Variants in ENPP2 observed in about 807,000 individuals in gnomAD.
The protein encoded by ENPP2 is autotaxin.
In ENPP2, 51 loss-of-function variants were observed where a neutral mutation model predicts 120.2. That is an observed-to-expected ratio of 0.42 (90% CI 0.34 to 0.54). The LOEUF is 0.54. Ranked by LOEUF, ENPP2 falls within the 20% of genes least tolerant of loss-of-function variation. The pLI, the probability that ENPP2 is intolerant of heterozygous loss-of-function variation, is 0.04. For missense variants in ENPP2, 920 were observed against 1,066.5 expected, an observed-to-expected ratio of 0.86 and a Z score of 1.91; for synonymous variants, 365 against 366.4, an observed-to-expected ratio of 1.00 and a Z score of 0.04.
At chr8:119,653,138 G>C (rs551878220) in intron 1 of ENPP2, among the ~76,000 whole-genome samples, 1 of 152,298 alleles carries the variant, frequency 6.6e-6, no homozygotes, top group African/African-American at 2.4e-5. Flanking sequence ...CCTCTGGATA[G>C]CTCGTTTTAA....
intron 19 of ENPP2, chr8:119,571,859 A>T (rs1815016103): frequency 4.8e-6 from 1 of 208,524 alleles, no homozygotes; most frequent in South Asian, 1.5e-4. Flanking sequence ...TTACCATTCT[A>T]TGCAAGTAAT....
At chr8:119,568,296 C>A in intron 21 of ENPP2, 44 bp from the exon 22 acceptor site, 436 of 938,826 alleles carry the variant, frequency 4.6e-4, no homozygotes, top group Non-Finnish European at 6.3e-4. Flanking sequence ...TTACCAAAAT[C>A]TATATCAGTT....
At chr8:119,667,317 C>T (rs1818102297) in intron 1 of ENPP2, among the ~76,000 whole-genome samples, 5 of 152,212 alleles carry the variant, frequency 3.3e-5, no homozygotes. Flanking sequence ...CAAGCCTTTG[C>T]TTAAATTTCT....
chr8:119,595,413 T>C (rs966395090), intron 11 of ENPP2, among the ~76,000 whole-genome samples: 1 of 152,184 alleles, frequency 6.6e-6, no homozygotes, highest in African/African-American at 2.4e-5. Context: ...ACCTACACCT[T>C]TTCTGATCTC....
chr8:119,590,705 A>C, intron 12 of ENPP2, 75 bp from the exon 13 acceptor site: 2 of 1,032,776 alleles, frequency 1.9e-6, no homozygotes, highest in Non-Finnish European at 1.4e-6. Context: ...GAAAGATAAC[A>C]TCCAGGCATC....
chr8:119,667,414 T>C (rs1366050990), intron 1 of ENPP2, among the ~76,000 whole-genome samples: 1 of 152,232 alleles, frequency 6.6e-6, no homozygotes, highest in Non-Finnish European at 1.5e-5. Context: ...GTGTCTCTTA[T>C]TCATTTGGCT....
At chr8:119,580,708 A>T (rs1449020624) in intron 18 of ENPP2, 1 of 152,492 alleles carries the variant, frequency 6.6e-6, no homozygotes, top group African/African-American at 2.4e-5. Context: ...ACATTTGCAA[A>T]TTACTAAATG....
chr8:119,619,094 C>A (rs116339401), intron 5 of ENPP2, 150 bp downstream of exon 5: 4 of 618,414 alleles, frequency 6.5e-6, no homozygotes, highest in Non-Finnish European at 1.1e-5. Context: ...TTCAACCTTT[C>A]GACTCATGAA....
intron 15 of ENPP2, among the ~76,000 whole-genome samples, chr8:119,585,698 T>TTGA: frequency 6.6e-6 from 1 of 152,264 alleles, no homozygotes; most frequent in African/African-American, 2.4e-5. Flanking sequence ...TGTAGTTCAA[T>TTGA]AGAAGGCAAA....
At chr8:119,582,327 G>T in intron 18 of ENPP2, 91 bp downstream of exon 18, 1 of 963,580 alleles carries the variant, frequency 1.0e-6, no homozygotes, top group South Asian at 1.6e-5. Flanking sequence ...CATAATTATA[G>T]ACCATGTCCA....
chr8:119,618,250 G>A, intron 5 of ENPP2: 1 of 491,448 alleles, frequency 2.0e-6, no homozygotes, highest in South Asian at 1.5e-5. Flanking sequence ...TTCCGGGGAT[G>A]TGCTTCTTGG....
intron 1 of ENPP2, among the ~76,000 whole-genome samples, chr8:119,645,913 T>A (rs186588793): frequency 6.6e-6 from 1 of 152,300 alleles, no homozygotes; most frequent in Non-Finnish European, 1.5e-5. Context: ...TTATAATTTA[T>A]TCCCATTCAT....
intron 19 of ENPP2, among the ~76,000 whole-genome samples, chr8:119,577,032 A>T (rs937496377): frequency 6.6e-6 from 1 of 152,196 alleles, no homozygotes; most frequent in Non-Finnish European, 1.5e-5. Flanking sequence ...TCGTTTCACT[A>T]TTGGAACATG....
At chr8:119,621,548 C>T (rs767957131) in intron 3 of ENPP2, 29 bp from the exon 4 acceptor site, 1 of 1,608,066 alleles carries the variant, frequency 6.2e-7, no homozygotes, top group African/African-American at 1.3e-5. Flanking sequence ...AACATTTTCA[C>T]TGCTGCACAC....
At chr8:119,561,431 T>A (rs73712322) in intron 24 of ENPP2, among the ~76,000 whole-genome samples, 2,678 of 152,312 alleles carry the variant, frequency 0.018, 79 homozygotes, top group African/African-American at 0.06. Flanking sequence ...TGACTAAAGA[T>A]TATCTTCTGT....
intron 19 of ENPP2, among the ~76,000 whole-genome samples, chr8:119,573,751 G>GT (rs1390288918): frequency 1.4e-4 from 21 of 152,166 alleles, no homozygotes; most frequent in Non-Finnish European, 2.6e-4. Flanking sequence ...AGAGGATGCA[G>GT]TGAGCCAAGA....
chr8:119,596,446 T>C (rs924199460), intron 11 of ENPP2, among the ~76,000 whole-genome samples: 3 of 152,224 alleles, frequency 2.0e-5, no homozygotes, highest in African/African-American at 7.2e-5. Context: ...GAGGTTCATG[T>C]AAGTGATTCC....
chr8:119,616,131 G>C (rs969982435), intron 8 of ENPP2, 134 bp downstream of exon 8: 9 of 700,952 alleles, frequency 1.3e-5, no homozygotes, highest in Admixed American at 9.8e-5. Flanking sequence ...TATATTAAAA[G>C]TATCAAAAGA....
In ENPP2 at chr8:119,621,463, C is replaced by A; in HGVS notation, c.349G>T (p.Ala117Ser). Residue 117 changes from alanine to serine, a missense_variant, in exon 4 of 25, where the codon GCC becomes TCC. By Grantham distance (99) the Ala-to-Ser change is moderately conservative (BLOSUM62 1). Coordinates refer to ENST00000075322, the MANE Select transcript of ENPP2 (RefSeq NM_001040092.3). ...RCGEVRNEEN[A>S]CHCSEDCLAR... ...AAGCAGTCCTCTGAGCAGTGACAGG[C>A]ATTTTCTTCATTTCTGACTTCTCCA... 1 of 1,613,292 alleles carries A rather than the reference C, an allele frequency of 6.2e-7. No homozygotes were observed. Among genetic ancestry groups the A allele is most frequent in the Non-Finnish European group, 8.5e-7 (1 of 1,179,312 alleles).
Sources: gnomAD v4.1 joint callset for allele counts (sites outside exome capture counted in the v4.1 genomes callset) on GRCh38, gnomAD v4.1.1 for gene constraint, MANE v1.5 for transcripts, NCBI Gene and HGNC (gene_info 2026-07-23, HGNC 2026-07-21) for gene names.